Variants in GALNT13 observed in about 807,000 individuals in gnomAD.
GALNT13 encodes UDP-GalNAc:polypeptide N-acetylgalactosaminyltransferase 13.
In GALNT13, 28 loss-of-function variants were observed where a neutral mutation model predicts 64.2. The observed-to-expected ratio is 0.44, with a 90% CI of 0.32 to 0.60. The LOEUF is 0.60. Ranked by LOEUF, GALNT13 falls within the 20% of genes least tolerant of loss-of-function variation. The pLI, the probability that GALNT13 is intolerant of heterozygous loss-of-function variation, is 0.05. For missense variants in GALNT13, 577 were observed against 669.8 expected, an observed-to-expected ratio of 0.86 and a Z score of 1.53; for synonymous variants, 214 against 224.6, an observed-to-expected ratio of 0.95 and a Z score of 0.42.
chr2:153,628,557 G>A, the GALNT13 span, among the ~76,000 whole-genome samples: 6 of 151,792 alleles, frequency 4.0e-5, no homozygotes, highest in African/African-American at 7.2e-5. Context: ...TAGCATGAAG[G>A]GTTGTTGAAT....
the GALNT13 span, among the ~76,000 whole-genome samples, chr2:153,730,555 G>A: frequency 6.6e-6 from 1 of 151,344 alleles, no homozygotes; most frequent in Non-Finnish European, 1.5e-5. Context: ...TAGACAAATG[G>A]GATTTAATTA....
the GALNT13 span, among the ~76,000 whole-genome samples, chr2:153,820,351 G>T: frequency 6.6e-6 from 1 of 152,132 alleles, no homozygotes; most frequent in African/African-American, 2.4e-5. Context: ...TATGGTTAGA[G>T]AGATAGACAT....
chr2:153,326,957 G>T, the GALNT13 span, among the ~76,000 whole-genome samples: 4 of 152,044 alleles, frequency 2.6e-5, no homozygotes, highest in Non-Finnish European at 5.9e-5. Context: ...GGTGGCATGC[G>T]CCTGTAATTG....
the GALNT13 span, among the ~76,000 whole-genome samples, chr2:153,602,245 A>G: frequency 6.6e-6 from 1 of 151,902 alleles, no homozygotes; most frequent in African/African-American, 2.4e-5. Flanking sequence ...TCCATCTACT[A>G]TCTTCTAAGT....
chr2:154,031,692 A>G (rs1698348741), intron 3 of GALNT13, among the ~76,000 whole-genome samples: 1 of 151,976 alleles, frequency 6.6e-6, no homozygotes, highest in Non-Finnish European at 1.5e-5. Flanking sequence ...ATTTTCCAAG[A>G]AGACACCTTC....
chr2:154,317,771 CA>C (rs1256172632), intron 9 of GALNT13, among the ~76,000 whole-genome samples: 1 of 151,946 alleles, frequency 6.6e-6, no homozygotes, highest in African/African-American at 2.4e-5. Flanking sequence ...GATTTTTGAA[CA>C]ATAAATTACA....
chr2:153,503,740 C>T, the GALNT13 span, among the ~76,000 whole-genome samples: 1 of 152,172 alleles, frequency 6.6e-6, no homozygotes, highest in Non-Finnish European at 1.5e-5. Context: ...TGCACCCAGC[C>T]TATGTGCCTA....
the GALNT13 span, among the ~76,000 whole-genome samples, chr2:153,283,552 G>A: frequency 1.3e-5 from 2 of 152,096 alleles, no homozygotes; most frequent in African/African-American, 4.8e-5. Flanking sequence ...CAAGTTAGTG[G>A]GTGCTCCAAA....
intron 4 of GALNT13, among the ~76,000 whole-genome samples, chr2:154,174,231 T>C (rs1417591926): frequency 6.6e-6 from 1 of 152,186 alleles, no homozygotes; most frequent in Non-Finnish European, 1.5e-5. Context: ...TTAGCTAGAC[T>C]ACCTCAGAGT....
At chr2:153,739,577 TTCA>T in the GALNT13 span, among the ~76,000 whole-genome samples, 31 of 142,390 alleles carry the variant, frequency 2.2e-4, no homozygotes, top group East Asian at 1.4e-3. Flanking sequence ...TATTTATTTA[TTCA>T]TTATTTTATT....
the GALNT13 span, among the ~76,000 whole-genome samples, chr2:153,777,217 A>T: frequency 6.6e-6 from 1 of 152,168 alleles, no homozygotes; most frequent in Non-Finnish European, 1.5e-5. Context: ...GTGAATGTTG[A>T]TGTTTGAGGA....
the GALNT13 span, among the ~76,000 whole-genome samples, chr2:153,604,392 G>A: frequency 1.3e-5 from 2 of 151,998 alleles, no homozygotes; most frequent in Non-Finnish European, 2.9e-5. Flanking sequence ...CTCTGTCTCT[G>A]TAGCTCTTTC....
At position 153,952,806 on chromosome 2, in the gene GALNT13, A is replaced by G. The variant is rs116630587; in HGVS notation, c.142+8167A>G. Among the ~76,000 whole-genome samples the G allele has an allele frequency of 1.4e-3, 213 of 152,292 alleles. 1 individual carries two copies. Among genetic ancestry groups the G allele is most frequent in the Middle Eastern group, 3.4e-3 (1 of 294 alleles). On this transcript the variant is annotated intron_variant, in intron 3 of 12. Transcript: ENST00000392825. ...AGGAAAGCTGACAGTGCAGCCTTCA[A>G]TCTGTGGTTGAAGTTACAACAGCCC...
chr2:153,577,890 C>A, the GALNT13 span, among the ~76,000 whole-genome samples: 1 of 150,564 alleles, frequency 6.6e-6, no homozygotes, highest in African/African-American at 2.4e-5. Context: ...TAAACACTGA[C>A]AGTTTGTGTC....
At position 154,021,762 on chromosome 2, in the gene GALNT13, G is replaced by A. The variant is rs530295444; in HGVS notation, c.142+77123G>A. On this transcript the variant is annotated intron_variant, in intron 3 of 12. Coordinates refer to ENST00000392825, the MANE Select transcript of GALNT13 (RefSeq NM_052917.4). ...TGTTGAATAGGAGTGGTGAGAGAGG[G>A]CATCCCTGTCTTGTGCCCGTTTTCA... Among the ~76,000 whole-genome samples the A allele has an allele frequency of 3.9e-3, 585 of 151,554 alleles. 2 individuals carry two copies. Among genetic ancestry groups the A allele is most frequent in the African/African-American group, 0.014 (560 of 41,246 alleles).
chr2:153,715,396 G>T, the GALNT13 span, among the ~76,000 whole-genome samples: 2 of 152,204 alleles, frequency 1.3e-5, no homozygotes, highest in South Asian at 4.1e-4. Context: ...GCTCCCGAGG[G>T]TTTCAACTGG....
chr2:153,800,108 T>C, the GALNT13 span, among the ~76,000 whole-genome samples: 1 of 121,390 alleles, frequency 8.2e-6, no homozygotes. Flanking sequence ...CACACACACA[T>C]GCATATCTCA....
chr2:153,316,573 G>A, the GALNT13 span, among the ~76,000 whole-genome samples: 3 of 147,144 alleles, frequency 2.0e-5, no homozygotes, highest in African/African-American at 5.0e-5. Flanking sequence ...CCAGACAGTC[G>A]GAGTTTGCAG....
the GALNT13 span, among the ~76,000 whole-genome samples, chr2:153,568,609 G>T: frequency 6.6e-6 from 1 of 152,084 alleles, no homozygotes; most frequent in Non-Finnish European, 1.5e-5. Context: ...TCATTTTATA[G>T]ATGACATTTT....
Sources: allele counts gnomAD v4.1 joint callset (sites outside exome capture counted in the v4.1 genomes callset), GRCh38; gene constraint gnomAD v4.1.1; transcripts MANE v1.5; gene names NCBI Gene and HGNC (gene_info 2026-07-23, HGNC 2026-07-21).